EML5: variants seen among roughly 807,000 people sequenced by gnomAD.
EML5 encodes echinoderm microtubule-associated protein-like 5.
Under a neutral mutation model 250.0 loss-of-function variants are expected in EML5, and 120 were observed. The observed-to-expected ratio is 0.48, with a 90% confidence interval of 0.41 to 0.56. The LOEUF (loss-of-function observed/expected upper bound fraction) is 0.56. Ranked by LOEUF, EML5 falls within the 20% of genes least tolerant of loss-of-function variation. EML5 has a pLI of 0.00. For missense variants in EML5, 2,006 were observed against 2,437.6 expected, an observed-to-expected ratio of 0.82 and a Z score of 3.73; for synonymous variants, 771 against 806.5, an observed-to-expected ratio of 0.96 and a Z score of 0.75.
intron 1 of EML5, among the ~76,000 whole-genome samples, chr14:88,785,955 A>G (rs1481807944): frequency 1.3e-5 from 2 of 152,172 alleles, no homozygotes; most frequent in Non-Finnish European, 2.9e-5. Flanking sequence ...TCCTCTCAAT[A>G]GCCTATAAAA....
intron 43 of EML5, 26 bp downstream of exon 43, chr14:88,616,116 C>A: frequency 1.2e-6 from 2 of 1,609,530 alleles, no homozygotes; most frequent in South Asian, 2.2e-5. Flanking sequence ...ATAGTCTGCT[C>A]TTCATGGGCT....
intron 33 of EML5, among the ~76,000 whole-genome samples, chr14:88,629,744 G>A (rs1043957428): frequency 3.3e-5 from 5 of 152,120 alleles, no homozygotes; most frequent in African/African-American, 1.2e-4. Flanking sequence ...CCTCAGAGAA[G>A]ATAACTGACT....
At chr14:88,658,601 T>C (rs1050815203) in intron 25 of EML5, among the ~76,000 whole-genome samples, 5 of 152,128 alleles carry the variant, frequency 3.3e-5, no homozygotes, top group African/African-American at 1.2e-4. Context: ...TTTCACAAAA[T>C]GCTGGTACCC....
intron 1 of EML5, among the ~76,000 whole-genome samples, chr14:88,757,569 T>A (rs1485005134): frequency 6.6e-6 from 1 of 152,122 alleles, no homozygotes; most frequent in African/African-American, 2.4e-5. Context: ...AGAGCATATA[T>A]CTGATAAGGG....
chr14:88,726,703 A>C (rs1339094173), intron 7 of EML5, 25 bp from the exon 8 acceptor site: 1 of 1,503,414 alleles, frequency 6.7e-7, no homozygotes, highest in Non-Finnish European at 8.9e-7. Context: ...TTAAAAAATA[A>C]AAAAGGTTAG....
At chr14:88,694,211 G>A (rs1814580640) in intron 17 of EML5, 96 bp downstream of exon 17, 1 of 741,090 alleles carries the variant, frequency 1.3e-6, no homozygotes, top group Non-Finnish European at 2.3e-6. Context: ...TCTATTCCAG[G>A]ATGCAGTCTA....
At chr14:88,686,047 C>A (rs565262123) in intron 19 of EML5, among the ~76,000 whole-genome samples, 354 of 152,150 alleles carry the variant, frequency 2.3e-3, no homozygotes, top group African/African-American at 6.8e-3. Context: ...GTGAGGAAAA[C>A]AGACCCTGTG....
intron 1 of EML5, among the ~76,000 whole-genome samples, chr14:88,763,850 C>A (rs2094284303): frequency 6.6e-6 from 1 of 152,198 alleles, no homozygotes; most frequent in Non-Finnish European, 1.5e-5. Flanking sequence ...CTCTCACCAT[C>A]AGGAATAAAC....
intron 31 of EML5, 149 bp from the exon 32 acceptor site, chr14:88,639,056 T>C (rs2090909960): frequency 1.6e-6 from 1 of 616,360 alleles, no homozygotes; most frequent in African/African-American, 1.9e-5. Context: ...ATCATAAGGA[T>C]AGAAAAATGA....
At chr14:88,658,847 T>C (rs1461643590) in intron 25 of EML5, among the ~76,000 whole-genome samples, 1 of 152,104 alleles carries the variant, frequency 6.6e-6, no homozygotes, top group African/African-American at 2.4e-5. Flanking sequence ...TTAAAGACAA[T>C]GGTTATGCAG....
intron 17 of EML5, among the ~76,000 whole-genome samples, chr14:88,689,224 C>A (rs570835010): frequency 6.6e-6 from 1 of 152,274 alleles, no homozygotes; most frequent in East Asian, 1.9e-4. Context: ...GCAAGAGTTT[C>A]TCTAGGAATG....
At chr14:88,771,646 G>A (rs2094394550) in intron 1 of EML5, among the ~76,000 whole-genome samples, 3 of 152,100 alleles carry the variant, frequency 2.0e-5, no homozygotes, top group Admixed American at 2.0e-4. Flanking sequence ...TTCAAAGTAG[G>A]CATTCATCTC....
chr14:88,613,007 G>A lies in EML5; in HGVS notation c.*2811C>T, dbSNP rs181886852. 73 of 152,198 alleles carry A rather than the reference G, an allele frequency of 4.8e-4. No individual in the cohort carries two copies. Among genetic ancestry groups the A allele is most frequent in the African/African-American group, 1.6e-3 (68 of 41,438 alleles). The allele number at this position is 152,198 out of a possible 1,614,324, so 9.4% of individuals were successfully genotyped here. A position where few individuals can be genotyped will look rare whatever the true frequency, so the allele number is the denominator to read the frequency against. Reference sequence around the variant, plus strand: ...AAAAAAAAAAAAAGTTCATTGACTTGCTTAGTCGTATACTCAAATGATGAT... The same window carrying A: ...AAAAAAAAAAAAAGTTCATTGACTTACTTAGTCGTATACTCAAATGATGAT... On this transcript the variant is annotated 3_prime_UTR_variant, in exon 44 of 44. Transcript: ENST00000554922.
Position 88,658,535 on chromosome 14 carries a change from C to G in EML5, c.3676-147G>C. 6.1e-6 allele frequency: 4 copies of G among 658,798 alleles called. No individual in the cohort carries two copies. The South Asian group carries it at 7.8e-5, about 13-fold the overall frequency. The allele number at this position is 658,798 out of a possible 1,614,324, so 40.8% of individuals were successfully genotyped here. A position where few individuals can be genotyped will look rare whatever the true frequency, so the allele number is the denominator to read the frequency against. On this transcript the variant is annotated intron_variant, in intron 25 of 43. Transcript: ENST00000554922. ...AAAATGAGAAAATACTGAAACTCAG[C>G]AGAATAAAAGATACCAATTCCTAAA...
chr14:88,762,786 A>C (rs1316393468), intron 1 of EML5, among the ~76,000 whole-genome samples: 1 of 152,218 alleles, frequency 6.6e-6, no homozygotes, highest in Non-Finnish European at 1.5e-5. Flanking sequence ...GCAAATGTAA[A>C]AGAATGGAAA....
rs1440274656 is a variant in EML5, at chr14:88,665,436, T to A, written c.3178A>T (p.Asn1060Tyr). 26 of 1,613,998 alleles carry A rather than the reference T, an allele frequency of 1.6e-5. No individual in the cohort carries two copies. Among genetic ancestry groups the A allele is most frequent in the Non-Finnish European group, 2.1e-5 (25 of 1,179,888 alleles). The change falls in exon 22 of 44, where the codon AAC becomes TAC. Residue 1060 changes from asparagine (N) to tyrosine (Y), a missense_variant. Coordinates refer to ENST00000554922, the MANE Select transcript of EML5 (RefSeq NM_183387.3). Reference sequence around the variant, plus strand: ...TTTGCCATTAAGAAGCTTCCATCGTTGAGACCTACGGCTAAAGCTTTACCA... The same window carrying A: ...TTTGCCATTAAGAAGCTTCCATCGTAGAGACCTACGGCTAAAGCTTTACCA... ...PDGKALAVGL[N>Y]DGSFLMANAD...
At chr14:88,664,980 G>A (rs1180294732) in intron 22 of EML5, among the ~76,000 whole-genome samples, 2 of 152,110 alleles carry the variant, frequency 1.3e-5, no homozygotes, top group African/African-American at 4.8e-5. Context: ...ATTACAGTAG[G>A]TTTGTAGTAG....
chr14:88,765,882 C>T (rs2094313283), intron 1 of EML5, among the ~76,000 whole-genome samples: 1 of 152,194 alleles, frequency 6.6e-6, no homozygotes, highest in African/African-American at 2.4e-5. Flanking sequence ...TGTGGGAAGT[C>T]AGGGACCCCG....
intron 33 of EML5, among the ~76,000 whole-genome samples, chr14:88,630,096 T>C (rs923782888): frequency 2.7e-5 from 4 of 148,108 alleles, no homozygotes; most frequent in African/African-American, 7.5e-5. Flanking sequence ...AATGGCATGA[T>C]CTCGGCTCAC....
Sources: gnomAD v4.1 joint callset for allele counts (sites outside exome capture counted in the v4.1 genomes callset) on GRCh38, gnomAD v4.1.1 for gene constraint, MANE v1.5 for transcripts, NCBI Gene and HGNC (gene_info 2026-07-23, HGNC 2026-07-21) for gene names.